The following WNT4 variants were observed in gnomAD, a reference collection of about 807,000 sequenced individuals.
WNT4 encodes the protein protein Wnt-4.
In WNT4, 16 loss-of-function variants were observed where a neutral mutation model predicts 34.5. That is an observed-to-expected ratio of 0.46 (90% CI 0.31 to 0.70). WNT4 has a LOEUF of 0.70. Ranked by LOEUF, WNT4 falls within the 30% of genes least tolerant of loss-of-function variation. The probability of loss-of-function intolerance (pLI) is 0.04; values close to 1 mark genes in which losing one functional copy is unlikely to be tolerated. For missense variants in WNT4, 379 were observed against 495.9 expected (o/e 0.76, Z 2.24); for synonymous variants, 200 against 211.9 (o/e 0.94, Z 0.49).
Position 22,139,156 on chromosome 1 carries a change from CAG to C in WNT4, c.77+3688_77+3689del, listed in dbSNP as rs1646045796. Among the ~76,000 whole-genome samples the C allele has an allele frequency of 6.6e-6, 1 of 152,138 alleles. No individual in the cohort carries two copies. The highest frequency in any genetic ancestry group is 2.4e-5 in the African/African-American group (1 of 41,428). On this transcript the variant is annotated intron_variant, in intron 1 of 4. Coordinates refer to ENST00000290167, the MANE Select transcript of WNT4 (RefSeq NM_030761.5). The surrounding 1 kb of genome is among the most constrained non-coding windows in gnomAD (Gnocchi z 4.6). ...TCTGGGTGGGACAGCCTGGGATAAA[CAG>C]GGCTTGGGAGCAGCAGCCTGAAGGC...
intron 2 of WNT4, among the ~76,000 whole-genome samples, chr1:22,124,564 C>T (rs1403935356): frequency 1.3e-5 from 2 of 152,190 alleles, no homozygotes; most frequent in African/African-American, 4.8e-5. Flanking sequence ...ACAGCCTTAG[C>T]AATGAGCTCT....
chr1:22,133,533 G>A (rs1306919776), intron 1 of WNT4, among the ~76,000 whole-genome samples: 2 of 152,244 alleles, frequency 1.3e-5, no homozygotes, highest in East Asian at 1.9e-4. Context: ...GAGAGCCAGG[G>A]CGTGATGGGT....
chr1:22,121,411 C>G, intron 3 of WNT4, 34 bp downstream of exon 3: 1 of 1,613,858 alleles, frequency 6.2e-7, no homozygotes, highest in Non-Finnish European at 8.5e-7. Flanking sequence ...GCCAAGCCCC[C>G]TGCCCTCCCA....
chr1:22,130,207 C>T (rs1273532230), intron 1 of WNT4, among the ~76,000 whole-genome samples: 2 of 152,192 alleles, frequency 1.3e-5, no homozygotes, highest in South Asian at 2.1e-4. Flanking sequence ...CCCACTGTTC[C>T]CTGCCGAGAT....
At chr1:22,124,609 T>C in intron 2 of WNT4, among the ~76,000 whole-genome samples, 1 of 152,344 alleles carries the variant, frequency 6.6e-6, no homozygotes, top group East Asian at 1.9e-4. Flanking sequence ...AAGGTGAGGC[T>C]TGGTGGCTTG....
intron 1 of WNT4, among the ~76,000 whole-genome samples, chr1:22,131,475 AAT>A (rs1472761935): frequency 6.6e-6 from 1 of 152,098 alleles, no homozygotes; most frequent in Non-Finnish European, 1.5e-5. Context: ...AAGTATGGGT[AAT>A]GTTTCCTTCT....
chr1:22,122,367 C>T (rs2124102321), intron 2 of WNT4, among the ~76,000 whole-genome samples: 1 of 152,188 alleles, frequency 6.6e-6, no homozygotes, highest in Admixed American at 6.5e-5. Flanking sequence ...AGCCATGGAA[C>T]CAAGACTCAA....
intron 1 of WNT4, among the ~76,000 whole-genome samples, chr1:22,130,671 T>A (rs1181342058): frequency 6.6e-6 from 1 of 152,178 alleles, no homozygotes. Flanking sequence ...AGTTTCCTCA[T>A]CTGTAGTAAG....
chr1:22,134,657 G>C lies in WNT4; in HGVS notation c.78-4806C>G, dbSNP rs564412118. Among the ~76,000 whole-genome samples, 15 of 152,312 alleles carry C rather than the reference G, an allele frequency of 9.8e-5. No individual in the cohort carries two copies. The highest frequency in any genetic ancestry group is 2.6e-4 in the African/African-American group (11 of 41,564). ...GGGAGACTGGAATTCCTGCACGCAG[G>C]AGGCCTAAATGAATGAAATCTGTGT... On this transcript the variant is annotated intron_variant, in intron 1 of 4. Transcript: ENST00000290167. The surrounding 1 kb of genome is among the most constrained non-coding windows in gnomAD (Gnocchi z 4.1).
At chr1:22,123,595 T>C (rs1333438713) in intron 2 of WNT4, among the ~76,000 whole-genome samples, 1 of 152,242 alleles carries the variant, frequency 6.6e-6, no homozygotes, top group Non-Finnish European at 1.5e-5. Context: ...ATGAAGTAGA[T>C]ACTTTTCATC....
At position 22,142,906 on chromosome 1, in the gene WNT4, C is replaced by T; in HGVS notation, c.17G>A (p.Cys6Tyr). The part of the protein sequence containing the change: MSPRS[C>Y]LRSLRLLVFA... The stretch of plus-strand genomic sequence containing the variant: ...GACGAGGAGGCGCAGCGAACGCAGG[C>T]ACGAGCGGGGACTCATGGTGCCGCC... The change falls in exon 1 of 5, where the codon TGC (cysteine) becomes TAC (tyrosine). Residue 6 changes from cysteine to tyrosine, a missense_variant. By Grantham distance (194) the Cys-to-Tyr change is radical (BLOSUM62 -2). This residue lies in a region of WNT4 where 66 missense variants were observed against 50.1 expected (regional missense o/e 1.32). Coordinates refer to ENST00000290167, the MANE Select transcript of WNT4 (RefSeq NM_030761.5). This position sits in a 1 kb window ranked among gnomAD's most constrained non-coding sequence, Gnocchi z 6.0. 1 of 1,206,720 alleles carries T rather than the reference C, an allele frequency of 8.3e-7. No individual in the cohort carries two copies. The highest frequency in any genetic ancestry group is 2.8e-5 in the Admixed American group (1 of 35,904). 74.8% of individuals were successfully genotyped at this position (1,206,720 alleles called of 1,614,324 possible).
intron 3 of WNT4, 39 bp from the exon 4 acceptor site, chr1:22,121,392 A>T: frequency 6.2e-7 from 1 of 1,613,894 alleles, no homozygotes; most frequent in African/African-American, 1.3e-5. Context: ...GCGGTGAGTG[A>T]GGGCCAGGGC....
intron 1 of WNT4, 39 bp from the exon 2 acceptor site, chr1:22,129,890 T>C (rs758871511): frequency 6.2e-7 from 1 of 1,606,498 alleles, no homozygotes; most frequent in South Asian, 1.1e-5. Flanking sequence ...GCCCACCTCC[T>C]CATCTTTCCT....
At position 22,137,805 on chromosome 1, in the gene WNT4, G is replaced by A. The variant is rs1486590490; in HGVS notation, c.77+5041C>T. On this transcript the variant is annotated intron_variant, in intron 1 of 4. Transcript: ENST00000290167. This position sits in a 1 kb window ranked among gnomAD's most constrained non-coding sequence, Gnocchi z 5.3. ...GGTCTGTTCCGGCCCAGCAGTGAGG[G>A]GCAGAGCAGCAGATCGGGGGGGCAA... is the stretch of plus-strand genomic sequence containing the variant. Among the ~76,000 whole-genome samples, 1 of 152,168 alleles carries A rather than the reference G, an allele frequency of 6.6e-6. No individual in the cohort carries two copies. Among genetic ancestry groups the A allele is most frequent in the Non-Finnish European group, 1.5e-5 (1 of 68,020 alleles).
At chr1:22,122,754 A>G (rs1169673893) in intron 2 of WNT4, among the ~76,000 whole-genome samples, 1 of 152,194 alleles carries the variant, frequency 6.6e-6, no homozygotes, top group Non-Finnish European at 1.5e-5. Context: ...CCCAGGGAGC[A>G]GTCACCGTGG....
At position 22,139,466 on chromosome 1, in the gene WNT4, C is replaced by T. The variant is rs367618560; in HGVS notation, c.77+3380G>A. ...GCAGAGCTCGGTTGGATCTCAAAGA[C>T]CCACTTCTTGGCCATGCCGCCGGCC... On this transcript the variant is annotated intron_variant, in intron 1 of 4. Coordinates refer to ENST00000290167, the MANE Select transcript of WNT4 (RefSeq NM_030761.5). The surrounding 1 kb of genome is among the most constrained non-coding windows in gnomAD (Gnocchi z 4.6). Among the ~76,000 whole-genome samples, 14 of 152,264 alleles carry T rather than the reference C, an allele frequency of 9.2e-5. No homozygotes were observed. Among genetic ancestry groups the T allele is most frequent in the African/African-American group, 2.9e-4 (12 of 41,556 alleles).
At chr1:22,130,903 C>T (rs1645977962) in intron 1 of WNT4, among the ~76,000 whole-genome samples, 1 of 152,252 alleles carries the variant, frequency 6.6e-6, no homozygotes, top group Non-Finnish European at 1.5e-5. Context: ...ATGGAAGTTC[C>T]ATCAAACTTC....
At chr1:22,124,424 T>C (rs1645925827) in intron 2 of WNT4, among the ~76,000 whole-genome samples, 1 of 152,216 alleles carries the variant, frequency 6.6e-6, no homozygotes, top group African/African-American at 2.4e-5. Flanking sequence ...CTGTGTGTCC[T>C]CTGGGTCCAG....
Position 22,121,580 on chromosome 1 carries a change from T to C in WNT4, c.314-4A>G, listed in dbSNP as rs1208287881. ...ACGAAGGCCGCCTCCCGAGTCCCTG[T>C]GGGAGGCAGAGGGAGGGCAGAGCTG... On this transcript the variant is annotated splice_region_variant and splice_polypyrimidine_tract_variant and intron_variant, in intron 2 of 4. Coordinates refer to ENST00000290167, the MANE Select transcript of WNT4 (RefSeq NM_030761.5). 6.2e-7 allele frequency: 1 copy of C among 1,612,518 alleles called. No individual in the cohort carries two copies. The highest frequency in any genetic ancestry group is 1.1e-5 in the South Asian group (1 of 91,080).
Sources: allele counts gnomAD v4.1 joint callset (sites outside exome capture counted in the v4.1 genomes callset), GRCh38; gene constraint gnomAD v4.1.1; regional missense constraint gnomAD v4.1.1; non-coding constraint Gnocchi (gnomAD v3.1); transcripts MANE v1.5; gene names NCBI Gene and HGNC (gene_info 2026-07-23, HGNC 2026-07-21).